Variants in MTMR3 observed in about 807,000 individuals in gnomAD.
MTMR3 encodes phosphatidylinositol-3,5-bisphosphate 3-phosphatase MTMR3.
Under a neutral mutation model 132.4 loss-of-function variants are expected in MTMR3, and 32 were observed. The observed-to-expected ratio is 0.24, with a 90% CI of 0.18 to 0.32. The LOEUF (loss-of-function observed/expected upper bound fraction) is 0.32, where lower values mean the gene tolerates loss of function less well. MTMR3 is among the 10% of genes least tolerant of loss of function. The pLI, the probability that MTMR3 is intolerant of heterozygous loss-of-function variation, is 1.00. For synonymous variants in MTMR3, 556 were observed against 550.3 expected (o/e 1.01, Z -0.14); for missense variants, 1,216 against 1,489.6 (o/e 0.82, Z 3.02).
intron 2 of MTMR3, among the ~76,000 whole-genome samples, chr22:29,958,690 T>C (rs1025264027): frequency 4.6e-5 from 7 of 152,230 alleles, no homozygotes; most frequent in African/African-American, 1.7e-4. Context: ...TGGAATTAAA[T>C]TTCTGTATCT....
intron 5 of MTMR3, chr22:29,982,675 A>G (rs185514279): frequency 6.7e-6 from 1 of 149,604 alleles, no homozygotes; most frequent in East Asian, 1.9e-4. Context: ...TTTTAATTTC[A>G]CAGCACATTG....
At chr22:29,892,736 CTG>C (rs2064824062) in intron 1 of MTMR3, among the ~76,000 whole-genome samples, 1 of 152,108 alleles carries the variant, frequency 6.6e-6, no homozygotes, top group African/African-American at 2.4e-5. Context: ...ATCTTAGAGA[CTG>C]TGAAAAGAGA....
intron 5 of MTMR3, chr22:29,979,815 A>G (rs1380470645): frequency 6.6e-6 from 1 of 152,262 alleles, no homozygotes; most frequent in Non-Finnish European, 1.5e-5. Context: ...CCTTGGTGGT[A>G]TAAGTGTAGA....
chr22:30,030,643 G>GC lies in MTMR3; in HGVS notation c.*4842_*4843insC, dbSNP rs1316407811. ...GGCTCTCAGCGAGGAGGGGGCGGGG[G>GC]GGGGGTCACTATTTATCTTCCAGAG... On this transcript the variant is annotated 3_prime_UTR_variant, in exon 20 of 20. Coordinates refer to ENST00000401950, the MANE Select transcript of MTMR3 (RefSeq NM_021090.4). 1.9e-5 allele frequency: 2 copies of GC among 106,998 alleles called. No individual in the cohort carries two copies. Among genetic ancestry groups the GC allele is most frequent in the Admixed American group, 1.1e-4 (1 of 9,458 alleles). 6.6% of individuals were successfully genotyped at this position (106,998 alleles called of 1,614,324 possible).
At chr22:29,893,907 G>A (rs2064844172) in intron 1 of MTMR3, among the ~76,000 whole-genome samples, 5 of 152,064 alleles carry the variant, frequency 3.3e-5, no homozygotes, top group South Asian at 2.1e-4. Flanking sequence ...GTGCAGTGGC[G>A]TGATCTCAGC....
chr22:29,929,393 T>C (rs2065594300), intron 1 of MTMR3, among the ~76,000 whole-genome samples: 1 of 152,268 alleles, frequency 6.6e-6, no homozygotes, highest in Non-Finnish European at 1.5e-5. Flanking sequence ...CTTTATTGTT[T>C]TAATTTTCAT....
intron 1 of MTMR3, among the ~76,000 whole-genome samples, chr22:29,894,977 C>T (rs1458076170): frequency 6.6e-6 from 1 of 152,072 alleles, no homozygotes; most frequent in African/African-American, 2.4e-5. Flanking sequence ...CTTTGGGAGG[C>T]CAAGGTGGGC....
intron 2 of MTMR3, among the ~76,000 whole-genome samples, chr22:29,967,193 T>TG (rs2066439375): frequency 9.2e-5 from 13 of 141,958 alleles, no homozygotes; most frequent in Non-Finnish European, 1.5e-4. Flanking sequence ...TTCACCTCTG[T>TG]TGTGTGTGTG....
chr22:29,963,990 G>A (rs1445474493), intron 2 of MTMR3, among the ~76,000 whole-genome samples: 1 of 152,114 alleles, frequency 6.6e-6, no homozygotes, highest in African/African-American at 2.4e-5. Context: ...ATATACCTAG[G>A]AGTAAGATTG....
At chr22:29,907,639 CAA>C (rs1422909828) in intron 1 of MTMR3, among the ~76,000 whole-genome samples, 5 of 152,240 alleles carry the variant, frequency 3.3e-5, no homozygotes, top group African/African-American at 9.6e-5. Flanking sequence ...AAAATCTACT[CAA>C]AGAAAATTAT....
At position 29,957,059 on chromosome 22, in the gene MTMR3, A is replaced by T. The variant is rs1050438161; in HGVS notation, c.-114A>T. The T allele has an allele frequency of 6.6e-6, 1 of 152,276 alleles. No homozygotes were observed. Among genetic ancestry groups the T allele is most frequent in the African/African-American group, 2.4e-5 (1 of 41,420 alleles). The allele number at this position is 152,276 out of a possible 1,614,324, so 9.4% of individuals were successfully genotyped here. A position where few individuals can be genotyped will look rare whatever the true frequency, so the allele number is the denominator to read the frequency against. ...AGACTTCCTTGTGAAACCTCCTAGT[A>T]GAAAAAGTTCTTGGGACAAACTTCA... On this transcript the variant is annotated 5_prime_UTR_variant, in exon 2 of 20. Transcript: ENST00000401950.
chr22:30,027,516 A>C lies in MTMR3; in HGVS notation c.*1715A>C, dbSNP rs1015770284. The C allele has an allele frequency of 6.5e-6, 1 of 152,788 alleles. No homozygotes were observed. The highest frequency in any genetic ancestry group is 1.9e-4 in the East Asian group (1 of 5,328). 9.5% of individuals were successfully genotyped at this position (152,788 alleles called of 1,614,324 possible). On this transcript the variant is annotated 3_prime_UTR_variant, in exon 20 of 20. Coordinates refer to ENST00000401950, the MANE Select transcript of MTMR3 (RefSeq NM_021090.4). ...TTCTTTTCCACATTCTGTGTCATCT[A>C]GTCGTGCAGGTAGGGAAAAAGTTGG...
At chr22:29,899,309 T>C (rs778656603) in intron 1 of MTMR3, among the ~76,000 whole-genome samples, 10 of 152,174 alleles carry the variant, frequency 6.6e-5, no homozygotes, top group Admixed American at 1.3e-4. Context: ...CACCTTGGCC[T>C]CCCAGAGTGC....
Position 30,016,726 on chromosome 22 carries a change from G to A in MTMR3, c.1674+28G>A, listed in dbSNP as rs751576366. 1.1e-5 allele frequency: 17 copies of A among 1,586,252 alleles called. No individual in the cohort carries two copies. In the African/African-American group the frequency reaches 1.1e-4, roughly 10 times the overall value. ...ATGTATCCTTCAGCCTTTCCACTGT[G>A]GTCAGCAGAAGGAATTTGGGGTTGG... On this transcript the variant is annotated intron_variant, in intron 15 of 19. Transcript: ENST00000401950.
intron 1 of MTMR3, among the ~76,000 whole-genome samples, chr22:29,950,800 G>A (rs1054867484): frequency 6.6e-6 from 1 of 152,158 alleles, no homozygotes; most frequent in African/African-American, 2.4e-5. Flanking sequence ...TAACTTTACA[G>A]ATTACTTACA....
At chr22:30,023,080 C>T (rs1000259449) in intron 19 of MTMR3, 3 of 393,110 alleles carry the variant, frequency 7.6e-6, no homozygotes, top group Non-Finnish European at 9.4e-6. Flanking sequence ...CTTTCCTGCT[C>T]CCTGACCCCA....
chr22:29,933,612 C>G (rs1243726111), intron 1 of MTMR3, among the ~76,000 whole-genome samples: 2 of 152,116 alleles, frequency 1.3e-5, no homozygotes, highest in African/African-American at 2.4e-5. Context: ...CAGGTATGCT[C>G]TCTTCCATTA....
chr22:29,897,457 A>ATTTATTTT lies in MTMR3; in HGVS notation c.-138+14105_-138+14106insTTTTATTT, dbSNP rs552743775. On this transcript the variant is annotated intron_variant, in intron 1 of 19. Coordinates refer to ENST00000401950, the MANE Select transcript of MTMR3 (RefSeq NM_021090.4). ...TAAGTATGTTTTTATTTATTTATTT[A>ATTTATTTT]TTTATTTATTTTTGAGACGGGCTCT... Among the ~76,000 whole-genome samples the ATTTATTTT allele has an allele frequency of 4.3e-3, 653 of 151,964 alleles. 6 individuals are homozygous for ATTTATTTT. Among genetic ancestry groups the ATTTATTTT allele is most frequent in the African/African-American group, 0.015 (615 of 41,422 alleles).
intron 1 of MTMR3, among the ~76,000 whole-genome samples, chr22:29,933,121 A>T (rs540904215): frequency 1.3e-5 from 2 of 152,166 alleles, no homozygotes; most frequent in Non-Finnish European, 2.9e-5. Context: ...GGTGCGTGCC[A>T]CCAGGTCTGG....
Sources: allele counts gnomAD v4.1 joint callset (sites outside exome capture counted in the v4.1 genomes callset), GRCh38; gene constraint gnomAD v4.1.1; transcripts MANE v1.5; gene names NCBI Gene and HGNC (gene_info 2026-07-23, HGNC 2026-07-21).